Variants in POR observed in about 807,000 individuals in gnomAD.
POR encodes the protein NADPH--cytochrome P450 reductase.
In POR, 56 loss-of-function variants were observed where a neutral mutation model predicts 84.0. The ratio of observed to expected loss-of-function variants is 0.67; its 90% CI spans 0.54 to 0.83. The LOEUF is 0.83. Ranked by LOEUF, POR falls within the 40% of genes least tolerant of loss-of-function variation. The probability of loss-of-function intolerance (pLI) is 0.00; values close to 1 mark genes in which losing one functional copy is unlikely to be tolerated. For synonymous variants in POR, 414 were observed against 400.5 expected (o/e 1.03, Z -0.40); for missense variants, 938 against 944.3 (o/e 0.99, Z 0.09).
At chr7:75,980,963 G>A in intron 5 of POR, 85 bp from the exon 6 acceptor site, 2 of 1,442,256 alleles carry the variant, frequency 1.4e-6, no homozygotes, top group Admixed American at 5.1e-5. Flanking sequence ...AGCCAGTGCT[G>A]TGGGGCCTCC....
chr7:75,982,364 C>A, intron 8 of POR, 42 bp downstream of exon 8: 1 of 1,478,648 alleles, frequency 6.8e-7, no homozygotes, highest in Non-Finnish European at 9.3e-7. Flanking sequence ...GGCTCTATGG[C>A]CACTGGTGCA....
chr7:75,945,852 C>T (rs541472082), intron 1 of POR, among the ~76,000 whole-genome samples: 5 of 152,170 alleles, frequency 3.3e-5, no homozygotes, highest in African/African-American at 9.7e-5. Flanking sequence ...ATCTTTTTTA[C>T]GGACCAGAAG....
At chr7:75,936,086 CTTTTTT>C (rs869164954) in intron 1 of POR, among the ~76,000 whole-genome samples, 22 of 99,790 alleles carry the variant, frequency 2.2e-4, no homozygotes, top group Admixed American at 1.8e-3. Flanking sequence ...TTCTTTCTTT[CTTTTTT>C]TTTTTTTTTT....
chr7:75,935,617 GC>G (rs1554550707), intron 1 of POR, among the ~76,000 whole-genome samples: 3 of 128,850 alleles, frequency 2.3e-5, no homozygotes, highest in Non-Finnish European at 4.8e-5. Context: ...GCTGCTCGGG[GC>G]TTGTGTGTGT....
rs769916309 is a variant in POR at position 75,981,112 on chromosome 7, G to A, written c.581G>A (p.Arg194Gln). The A allele has an allele frequency of 5.2e-5, 82 of 1,565,458 alleles. No individual in the cohort carries two copies. The highest frequency in any genetic ancestry group is 1.8e-4 in the Middle Eastern group (1 of 5,626). ...GCCATGGGCAAGTACGTGGACAAGC[G>A]GCTGGAGCAGCTCGGCGCCCAGCGC... The change falls in exon 6 of 16, where the codon CGG becomes CAG. Residue 194 changes from arginine (R) to glutamine (Q), a missense_variant. Transcript: ENST00000461988.
In POR at chr7:75,975,814, A is replaced by ATTTTTTTTTTT. The variant is rs539245771; in HGVS notation, c.237+3360_237+3370dup. 6.2e-4 allele frequency among the ~76,000 whole-genome samples: 51 copies of ATTTTTTTTTTT among 82,162 alleles called. 3 individuals carry two copies. The highest frequency in any genetic ancestry group is 7.3e-4 in the East Asian group (2 of 2,722). The allele number at this position is 82,162 out of a possible 152,430, so 53.9% of individuals were successfully genotyped here. ...TGTTGAGGAAAAAAAAGCTGTTCAG[A>ATTTTTTTTTTT]TTTTTTTTTTTTTTTTTGGTAGAGA... On this transcript the variant is annotated intron_variant, in intron 3 of 15. Transcript: ENST00000461988.
intron 3 of POR, among the ~76,000 whole-genome samples, chr7:75,974,782 C>A (rs1381837927): frequency 6.6e-6 from 1 of 152,152 alleles, no homozygotes; most frequent in East Asian, 1.9e-4. Flanking sequence ...TCAACTTGGC[C>A]TCCCAAAGTT....
chr7:75,974,506 CTTTTTCT>C (rs1788583860), intron 3 of POR, among the ~76,000 whole-genome samples: 3 of 135,884 alleles, frequency 2.2e-5, no homozygotes, highest in Admixed American at 7.4e-5. Context: ...GGCTTCGTTT[CTTTTTCT>C]TTTTTCTTTT....
intron 2 of POR, among the ~76,000 whole-genome samples, chr7:75,971,501 C>T (rs1361354600): frequency 2.0e-5 from 3 of 151,378 alleles, no homozygotes; most frequent in African/African-American, 4.9e-5. Context: ...GAAAATGGGG[C>T]GGGGTGAGGG....
intron 2 of POR, among the ~76,000 whole-genome samples, chr7:75,966,796 C>T (rs1195146783): frequency 2.0e-5 from 3 of 152,170 alleles, no homozygotes; most frequent in Non-Finnish European, 2.9e-5. Flanking sequence ...CTTCCCCACG[C>T]AGTGGACTAC....
chr7:75,933,023 TG>T (rs1807492742), intron 1 of POR, among the ~76,000 whole-genome samples: 1 of 138,036 alleles, frequency 7.2e-6, no homozygotes, highest in Non-Finnish European at 1.5e-5. Context: ...AGACTCCATC[TG>T]AAAAAAAAAA....
chr7:75,986,619 G>A lies in POR; in HGVS notation c.*138G>A, dbSNP rs1408728669. 26 of 1,117,906 alleles carry A rather than the reference G, an allele frequency of 2.3e-5. No homozygotes were observed. The African/African-American group carries it at 3.9e-4, about 17-fold the overall frequency. 69.2% of individuals were successfully genotyped at this position (1,117,906 alleles called of 1,614,324 possible). On this transcript the variant is annotated 3_prime_UTR_variant, in exon 16 of 16. Transcript: ENST00000461988. ...AGTGACAAAGACTCCTCTGGGCCTG[G>A]GGTGCATCCTCCTCAGCCCCCAGGC...
chr7:75,982,019 C>T, intron 7 of POR: 1 of 590,082 alleles, frequency 1.7e-6, no homozygotes, highest in Non-Finnish European at 3.1e-6. Flanking sequence ...GGGCGTCTGG[C>T]CCCCGGCAGC....
At chr7:75,938,151 C>T (rs554925221) in intron 1 of POR, among the ~76,000 whole-genome samples, 6 of 152,334 alleles carry the variant, frequency 3.9e-5, no homozygotes, top group African/African-American at 1.2e-4. Context: ...CCTCCTTTCA[C>T]GTCATTGCAT....
chr7:75,950,290 G>C (rs549164995), intron 1 of POR, among the ~76,000 whole-genome samples: 1 of 152,136 alleles, frequency 6.6e-6, no homozygotes, highest in African/African-American at 2.4e-5. Context: ...TCCCAGCGTC[G>C]TCGATTTATT....
intron 1 of POR, chr7:75,922,837 AC>A: frequency 1.8e-6 from 1 of 547,542 alleles, no homozygotes; most frequent in African/African-American, 2.0e-5. Context: ...CCTCAAAGCC[AC>A]CCAGTCAAAG....
chr7:75,972,389 T>A, intron 2 of POR, 24 bp from the exon 3 acceptor site: 1 of 1,605,112 alleles, frequency 6.2e-7, no homozygotes, highest in Non-Finnish European at 8.5e-7. Context: ...CCTCCCACGC[T>A]CATTGCACAC....
chr7:75,935,067 C>G (rs556186094), intron 1 of POR, among the ~76,000 whole-genome samples: 1 of 152,320 alleles, frequency 6.6e-6, no homozygotes, highest in African/African-American at 2.4e-5. Context: ...ATCTTACAAC[C>G]TGTCCCTGGA....
At chr7:75,972,947 C>T (rs1337931060) in intron 3 of POR, among the ~76,000 whole-genome samples, 4 of 152,068 alleles carry the variant, frequency 2.6e-5, no homozygotes, top group Non-Finnish European at 5.9e-5. Flanking sequence ...CTCAGCCTCC[C>T]GAGTAGCTGG....
Sources: gnomAD v4.1 joint callset for allele counts (sites outside exome capture counted in the v4.1 genomes callset) on GRCh38, gnomAD v4.1.1 for gene constraint, MANE v1.5 for transcripts, NCBI Gene and HGNC (gene_info 2026-07-23, HGNC 2026-07-21) for gene names.